The following GRID2 variants were observed in gnomAD, a reference collection of about 807,000 sequenced individuals.
GRID2 encodes the protein glutamate receptor ionotropic, delta-2.
GRID2 carries 33 observed loss-of-function variants against 114.8 expected under a neutral mutation model. The ratio of observed to expected loss-of-function variants is 0.29; its 90% CI spans 0.22 to 0.38. The LOEUF (loss-of-function observed/expected upper bound fraction) is 0.38, where lower values mean the gene tolerates loss of function less well. Ranked by LOEUF, GRID2 falls within the 10% of genes least tolerant of loss-of-function variation. GRID2 has a pLI of 1.00. For missense variants in GRID2, 1,184 were observed against 1,257.7 expected, an observed-to-expected ratio of 0.94 and a Z score of 0.89; for synonymous variants, 505 against 449.9, an observed-to-expected ratio of 1.12 and a Z score of -1.55.
chr4:92,817,475 A>C (rs1027554190), intron 2 of GRID2, among the ~76,000 whole-genome samples: 1 of 152,162 alleles, frequency 6.6e-6, no homozygotes, highest in East Asian at 1.9e-4. Flanking sequence ...TCTAGTCTTA[A>C]CCTACCTGTC....
intron 13 of GRID2, among the ~76,000 whole-genome samples, chr4:93,574,715 A>G (rs1296466599): frequency 1.3e-5 from 2 of 152,208 alleles, no homozygotes; most frequent in Non-Finnish European, 2.9e-5. Context: ...TCGAGATAAG[A>G]TTTTGGTGGG....
chr4:92,375,533 T>A (rs1206542713), intron 1 of GRID2, among the ~76,000 whole-genome samples: 2 of 152,152 alleles, frequency 1.3e-5, no homozygotes, highest in South Asian at 2.1e-4. Flanking sequence ...ATGCGTGGGA[T>A]CTCTTTTCAT....
At chr4:93,803,196 A>T (rs1042256998) in intron 1 of GRID2, among the ~76,000 whole-genome samples, 2 of 152,188 alleles carry the variant, frequency 1.3e-5, no homozygotes, top group Non-Finnish European at 2.9e-5. Context: ...AAGAATTAAA[A>T]TTTTCAAGTA....
At chr4:92,777,887 G>C (rs946580589) in intron 2 of GRID2, among the ~76,000 whole-genome samples, 1 of 152,086 alleles carries the variant, frequency 6.6e-6, no homozygotes, top group East Asian at 1.9e-4. Flanking sequence ...TCTATTGTTT[G>C]AGTCACCCAG....
intron 2 of GRID2, among the ~76,000 whole-genome samples, chr4:92,775,591 A>G (rs1452633280): frequency 2.6e-5 from 4 of 152,166 alleles, no homozygotes; most frequent in Non-Finnish European, 5.9e-5. Context: ...TTTTCTGTAT[A>G]CATACGGGCT....
intron 2 of GRID2, among the ~76,000 whole-genome samples, chr4:92,640,485 A>G (rs1731290016): frequency 6.6e-6 from 1 of 151,940 alleles, no homozygotes; most frequent in African/African-American, 2.4e-5. Flanking sequence ...CAGAAATGTA[A>G]CACTATAGAT....
chr4:92,484,334 A>G (rs570195189), intron 1 of GRID2, among the ~76,000 whole-genome samples: 1 of 152,152 alleles, frequency 6.6e-6, no homozygotes, highest in Non-Finnish European at 1.5e-5. Context: ...GAAAGTTAGT[A>G]ACTATAAAAA....
intron 2 of GRID2, among the ~76,000 whole-genome samples, chr4:92,940,778 G>C (rs1751055665): frequency 6.6e-6 from 1 of 152,056 alleles, no homozygotes; most frequent in African/African-American, 2.4e-5. Context: ...TTAGCATGAA[G>C]GGTTGTTGAA....
intron 2 of GRID2, among the ~76,000 whole-genome samples, chr4:92,841,403 G>T (rs1181568544): frequency 1.3e-5 from 2 of 151,888 alleles, no homozygotes; most frequent in African/African-American, 2.4e-5. Flanking sequence ...CAGAAGTCGG[G>T]GTTACAAGCT....
At chr4:92,766,908 G>T (rs1482768817) in intron 2 of GRID2, among the ~76,000 whole-genome samples, 1 of 152,166 alleles carries the variant, frequency 6.6e-6, no homozygotes, top group African/African-American at 2.4e-5. Context: ...TCTCAGCTCT[G>T]TGAATTAGTA....
intron 8 of GRID2, among the ~76,000 whole-genome samples, chr4:93,368,707 G>T (rs989470639): frequency 6.6e-6 from 1 of 152,050 alleles, no homozygotes; most frequent in African/African-American, 2.4e-5. Flanking sequence ...TCAGCATGGG[G>T]TAAATTAGAT....
chr4:93,581,186 A>G (rs1338781583), intron 13 of GRID2, among the ~76,000 whole-genome samples: 1 of 150,794 alleles, frequency 6.6e-6, no homozygotes, highest in Non-Finnish European at 1.5e-5. Flanking sequence ...ATGAGCAAGA[A>G]CATGCATTGT....
At chr4:92,979,173 A>G (rs1754042200) in intron 2 of GRID2, among the ~76,000 whole-genome samples, 1 of 152,138 alleles carries the variant, frequency 6.6e-6, no homozygotes, top group East Asian at 1.9e-4. Flanking sequence ...ATTTGAAGGC[A>G]TTACTAACAA....
intron 8 of GRID2, among the ~76,000 whole-genome samples, chr4:93,307,459 C>T (rs1462208786): frequency 6.6e-6 from 1 of 152,044 alleles, no homozygotes; most frequent in Non-Finnish European, 1.5e-5. Context: ...TAGCTCACAG[C>T]TCTTCACAGC....
intron 2 of GRID2, among the ~76,000 whole-genome samples, chr4:92,851,958 T>C (rs1294553445): frequency 3.3e-5 from 5 of 151,926 alleles, no homozygotes; most frequent in African/African-American, 1.2e-4. Context: ...AATTCGTAAA[T>C]ATTTAGAGTC....
At chr4:93,036,151 G>A (rs1046244152) in intron 2 of GRID2, among the ~76,000 whole-genome samples, 10 of 151,876 alleles carry the variant, frequency 6.6e-5, no homozygotes, top group African/African-American at 2.4e-4. Context: ...TAGCCTTTGG[G>A]CCAAAAGGTG....
chr4:93,055,659 G>A (rs975553049), intron 2 of GRID2, among the ~76,000 whole-genome samples: 1 of 151,710 alleles, frequency 6.6e-6, no homozygotes, highest in Admixed American at 6.6e-5. Flanking sequence ...CAACCTGAAA[G>A]CCTTGAATAA....
chr4:92,519,753 T>C, intron 1 of GRID2, among the ~76,000 whole-genome samples: 1 of 151,862 alleles, frequency 6.6e-6, no homozygotes, highest in East Asian at 2.0e-4. Flanking sequence ...GGTTTCAGTC[T>C]GAGTCCAAAG....
At chr4:92,434,721 T>C (rs1408689880) in intron 1 of GRID2, among the ~76,000 whole-genome samples, 1 of 152,078 alleles carries the variant, frequency 6.6e-6, no homozygotes, top group African/African-American at 2.4e-5. Context: ...GCAAATTAAA[T>C]AAAGCATTTT....
Sources: allele counts gnomAD v4.1 joint callset (sites outside exome capture counted in the v4.1 genomes callset), GRCh38; gene constraint gnomAD v4.1.1; transcripts MANE v1.5; gene names NCBI Gene and HGNC (gene_info 2026-07-23, HGNC 2026-07-21).